The following USP43 variants were observed in gnomAD, a reference collection of about 807,000 sequenced individuals.
USP43 encodes the protein ubiquitin carboxyl-terminal hydrolase 43.
Under a neutral mutation model 90.7 loss-of-function variants are expected in USP43, and 33 were observed. That is an observed-to-expected ratio of 0.36 (90% CI 0.28 to 0.49). The LOEUF is 0.49. USP43 is among the 20% of genes least tolerant of loss of function. USP43 has a pLI of 0.98. For missense variants in USP43, 1,274 were observed against 1,476.4 expected, an observed-to-expected ratio of 0.86 and a Z score of 2.25; for synonymous variants, 598 against 615.8, an observed-to-expected ratio of 0.97 and a Z score of 0.43.
intron 6 of USP43, among the ~76,000 whole-genome samples, chr17:9,682,341 G>C (rs374781884): frequency 1.4e-4 from 21 of 152,346 alleles, no homozygotes; most frequent in East Asian, 1.3e-3. Context: ...GCCAAGGCAG[G>C]AGGATCACTT....
intron 1 of USP43, among the ~76,000 whole-genome samples, chr17:9,650,166 A>C (rs1911756499): frequency 6.6e-6 from 1 of 152,188 alleles, no homozygotes; most frequent in Non-Finnish European, 1.5e-5. Flanking sequence ...TTGTATTTAA[A>C]TCATTGTCCT....
At chr17:9,664,795 G>A (rs1306633348) in intron 2 of USP43, among the ~76,000 whole-genome samples, 2 of 151,988 alleles carry the variant, frequency 1.3e-5, no homozygotes, top group African/African-American at 2.4e-5. Flanking sequence ...CCGCCACCAC[G>A]CCCAGCTAAT....
intron 6 of USP43, among the ~76,000 whole-genome samples, chr17:9,682,619 C>T (rs1174345544): frequency 6.6e-6 from 1 of 152,144 alleles, no homozygotes; most frequent in African/African-American, 2.4e-5. Context: ...AAATTCACTA[C>T]CATATTCTTG....
intron 12 of USP43, among the ~76,000 whole-genome samples, chr17:9,702,560 A>G (rs1322896921): frequency 6.6e-6 from 1 of 152,212 alleles, no homozygotes; most frequent in Non-Finnish European, 1.5e-5. Context: ...GCAGTGGATG[A>G]AGGGAAGGGC....
At chr17:9,681,173 C>CATTA (rs1278117891) in intron 6 of USP43, among the ~76,000 whole-genome samples, 3 of 65,994 alleles carry the variant, frequency 4.5e-5, no homozygotes, top group African/African-American at 1.8e-4. Context: ...ATAATATATA[C>CATTA]TATATAATAT....
Position 9,695,090 on chromosome 17 carries a change from C to A in USP43, c.1457+1860C>A, listed in dbSNP as rs1026362098. ...TTGAGGTCACACCCCTCCTGGCCCG[C>A]ACCTTCCATTCACTGGACATCTTAC... On this transcript the variant is annotated intron_variant, in intron 9 of 14. Transcript: ENST00000285199. Among the ~76,000 whole-genome samples the A allele has an allele frequency of 1.4e-4, 21 of 152,184 alleles. 1 individual carries two copies. Among genetic ancestry groups the A allele is most frequent in the African/African-American group, 5.1e-4 (21 of 41,522 alleles).
chr17:9,696,484 A>G (rs1410707250), intron 9 of USP43, among the ~76,000 whole-genome samples: 1 of 151,992 alleles, frequency 6.6e-6, no homozygotes, highest in Non-Finnish European at 1.5e-5. Context: ...TTTAGGCCAA[A>G]GTCTCCTAGA....
At chr17:9,680,140 A>G in intron 5 of USP43, 91 bp from the exon 6 acceptor site, 1 of 1,444,018 alleles carries the variant, frequency 6.9e-7, no homozygotes, top group Non-Finnish European at 9.5e-7. Context: ...AAAGGTGAAA[A>G]ATGGGTGTTG....
chr17:9,720,606 A>G (rs776423752), intron 14 of USP43, among the ~76,000 whole-genome samples: 1 of 151,936 alleles, frequency 6.6e-6, no homozygotes, highest in Non-Finnish European at 1.5e-5. Flanking sequence ...CTCCTGCCTC[A>G]GCCTTCCAAG....
At chr17:9,651,196 G>GT (rs1911839029) in intron 1 of USP43, among the ~76,000 whole-genome samples, 3 of 150,970 alleles carry the variant, frequency 2.0e-5, no homozygotes, top group African/African-American at 4.9e-5. Flanking sequence ...TGTTTTTTTT[G>GT]TTTTTTATTT....
intron 7 of USP43, among the ~76,000 whole-genome samples, chr17:9,684,959 T>C (rs2151978542): frequency 6.6e-6 from 1 of 152,228 alleles, no homozygotes; most frequent in East Asian, 1.9e-4. Flanking sequence ...AAGAAAGAGC[T>C]TTAGTCTTGT....
In USP43 at chr17:9,701,396, G is replaced by A; in HGVS notation, c.1707G>A (p.Leu569=). Residue 569 remains leucine, a synonymous_variant, in exon 12 of 15, where the codon CTG becomes CTA. Coordinates refer to ENST00000285199, the MANE Select transcript of USP43 (RefSeq NM_153210.5). The surrounding 1 kb of genome is among the most constrained non-coding windows in gnomAD (Gnocchi z 7.2). ...GGAAGTGTCCTCACTGCCAAGTCCT[G>A]CAGCAGGGGATGGTGAAGCTGAGTT... ...DAWKCPHCQV[L]QQGMVKLSLW... is the part of the protein sequence containing the mutation. The A allele has an allele frequency of 6.2e-7, 1 of 1,603,252 alleles. No individual in the cohort carries two copies. The highest frequency in any genetic ancestry group is 8.5e-7 in the Non-Finnish European group (1 of 1,175,222).
chr17:9,703,233 G>A (rs1315546745), intron 12 of USP43, among the ~76,000 whole-genome samples: 1 of 151,562 alleles, frequency 6.6e-6, no homozygotes, highest in Non-Finnish European at 1.5e-5. Flanking sequence ...GTGCACACAT[G>A]AGTGGTGAAA....
chr17:9,654,896 C>G (rs1912126864), intron 1 of USP43, among the ~76,000 whole-genome samples: 1 of 151,478 alleles, frequency 6.6e-6, no homozygotes, highest in African/African-American at 2.4e-5. Context: ...CACCACCACG[C>G]CCAGCTAATT....
chr17:9,673,339 C>G (rs1179482668), intron 3 of USP43, among the ~76,000 whole-genome samples: 1 of 151,996 alleles, frequency 6.6e-6, no homozygotes, highest in African/African-American at 2.4e-5. Flanking sequence ...TCCCCCGTCT[C>G]TACTGAAAAA....
intron 3 of USP43, among the ~76,000 whole-genome samples, chr17:9,671,924 C>T (rs890003317): frequency 2.6e-5 from 4 of 152,190 alleles, no homozygotes; most frequent in African/African-American, 9.6e-5. Flanking sequence ...ATTTCTGAAC[C>T]TTTGACACGT....
intron 5 of USP43, 141 bp downstream of exon 5, chr17:9,677,022 G>T: frequency 9.1e-7 from 1 of 1,093,806 alleles, no homozygotes. Flanking sequence ...AGTAATGCCT[G>T]CTGTCTGGGA....
intron 8 of USP43, among the ~76,000 whole-genome samples, chr17:9,688,531 A>C (rs560123903): frequency 1.9e-4 from 29 of 150,976 alleles, no homozygotes; most frequent in South Asian, 1.9e-3. Context: ...TTGTATATTT[A>C]GTAGACACGG....
At chr17:9,710,217 A>G (rs1916107536) in intron 13 of USP43, 103 bp downstream of exon 13, 4 of 1,274,950 alleles carry the variant, frequency 3.1e-6, no homozygotes, top group Non-Finnish European at 1.0e-6. Context: ...GTTGGCAAGG[A>G]TCTGAAAGAG....
Sources: allele counts gnomAD v4.1 joint callset (sites outside exome capture counted in the v4.1 genomes callset), GRCh38; gene constraint gnomAD v4.1.1; non-coding constraint Gnocchi (gnomAD v3.1); transcripts MANE v1.5; gene names NCBI Gene and HGNC (gene_info 2026-07-23, HGNC 2026-07-21).